Variants in C1orf105 observed in about 807,000 individuals in gnomAD.
C1orf105 encodes uncharacterized protein C1orf105.
C1orf105 carries 17 observed loss-of-function variants against 20.8 expected under a neutral mutation model. That is an observed-to-expected ratio of 0.82 (90% CI 0.56 to 1.23). The LOEUF is 1.23. Among genes scored for constraint, C1orf105 ranks in the 50% most tolerant of loss-of-function variants. The pLI is 0.00. For missense variants in C1orf105, 219 were observed against 213.5 expected, an observed-to-expected ratio of 1.03 and a Z score of -0.16; for synonymous variants, 72 against 72.1, an observed-to-expected ratio of 1.00 and a Z score of 0.01.
chr1:172,462,987 G>T (rs182934580), intron 5 of C1orf105, among the ~76,000 whole-genome samples: 13 of 152,088 alleles, frequency 8.5e-5, no homozygotes, highest in African/African-American at 2.9e-4. Context: ...ATGTTGGCCA[G>T]GCTGGTCTCA....
rs553827217 is a variant in C1orf105 at position 172,459,428 on chromosome 1, A to G, written c.274-2750A>G. Among the ~76,000 whole-genome samples, 3 of 152,282 alleles carry G rather than the reference A, an allele frequency of 2.0e-5. No homozygotes were observed. The East Asian group carries it at 5.8e-4, about 29-fold the overall frequency. The stretch of plus-strand genomic sequence containing the variant: ...AAGAAGATCTACAAATGACCAATAA[A>G]CACATGAAAAGATACTCAACATTAT... On this transcript the variant is annotated intron_variant, in intron 4 of 6. Transcript: ENST00000367727.
chr1:172,455,608 C>A (rs2285171), intron 3 of C1orf105, among the ~76,000 whole-genome samples: 39,709 of 152,132 alleles, frequency 0.26, 5,556 homozygotes, highest in East Asian at 0.35. Context: ...CAAATGAGAA[C>A]CTCCTGAACC....
intron 2 of C1orf105, among the ~76,000 whole-genome samples, chr1:172,448,205 G>T (rs1414402513): frequency 6.6e-6 from 1 of 152,188 alleles, no homozygotes; most frequent in Non-Finnish European, 1.5e-5. Context: ...TGCCTTGTTT[G>T]TACAGTGTCT....
chr1:172,452,849 CT>C, intron 3 of C1orf105: 1 of 1,423,522 alleles, frequency 7.0e-7, no homozygotes, highest in Non-Finnish European at 9.2e-7. Flanking sequence ...TCCAGTGCCT[CT>C]GGCTCTAGAC....
intron 3 of C1orf105, chr1:172,452,673 A>C: frequency 1.8e-6 from 1 of 542,116 alleles, no homozygotes; most frequent in Non-Finnish European, 2.4e-6. Context: ...GTCCTAGGGT[A>C]TGAGGATGTT....
chr1:172,425,561 G>A (rs2071701940), intron 1 of C1orf105, among the ~76,000 whole-genome samples: 1 of 151,976 alleles, frequency 6.6e-6, no homozygotes, highest in Non-Finnish European at 1.5e-5. Context: ...GTGGCCAAAG[G>A]AGTATGCCTT....
At chr1:172,438,988 A>G (rs961600053) in intron 1 of C1orf105, among the ~76,000 whole-genome samples, 1 of 152,238 alleles carries the variant, frequency 6.6e-6, no homozygotes, top group African/African-American at 2.4e-5. Flanking sequence ...TTTTTTAGAC[A>G]TGAGAGTGCA....
In C1orf105 at chr1:172,457,266, A is replaced by G. The variant is rs546561798; in HGVS notation, c.273+777A>G. 3.3e-5 allele frequency among the ~76,000 whole-genome samples: 5 copies of G among 152,338 alleles called. No individual in the cohort carries two copies. The South Asian group carries it at 1.0e-3, about 32-fold the overall frequency. On this transcript the variant is annotated intron_variant, in intron 4 of 6. Coordinates refer to ENST00000367727, the MANE Select transcript of C1orf105 (RefSeq NM_139240.4). ...TTAGCAACATGGTTAGGTTTGAGGT[A>G]CGAGCTGGAGAAGGGTTTCTTCAAC...
At chr1:172,445,303 C>T (rs758936737) in intron 2 of C1orf105, 145 bp downstream of exon 2, 17 of 708,308 alleles carry the variant, frequency 2.4e-5, no homozygotes, top group South Asian at 4.0e-5. Flanking sequence ...AGAAATAATC[C>T]GGGTTTCTCA....
chr1:172,443,837 A>G lies in C1orf105; in HGVS notation c.22-1236A>G, dbSNP rs566587410. ...GGACGGGGTAGGGTAGGGTGACCCC[A>G]GGGTGCGCCTTCACTCTTCTGGCAC... On this transcript the variant is annotated intron_variant, in intron 1 of 6. Transcript: ENST00000367727. 6.8e-4 allele frequency: 284 copies of G among 416,430 alleles called. 1 individual carries two copies. Among genetic ancestry groups the G allele is most frequent in the African/African-American group, 6.1e-3 (281 of 45,834 alleles). 25.8% of individuals were successfully genotyped at this position (416,430 alleles called of 1,614,324 possible).
In C1orf105 at chr1:172,432,952, C is replaced by T. The variant is rs146779672; in HGVS notation, c.21+12046C>T. Reference sequence around the variant, plus strand: ...CCTGATGGAGCTGAAAACCATGGTACGAGAACTATGTGATGCATACACAAG... The same window carrying T: ...CCTGATGGAGCTGAAAACCATGGTATGAGAACTATGTGATGCATACACAAG... On this transcript the variant is annotated intron_variant, in intron 1 of 6. Transcript: ENST00000367727. 3.7e-3 allele frequency among the ~76,000 whole-genome samples: 563 copies of T among 152,212 alleles called. 4 individuals are homozygous for T. Among genetic ancestry groups the T allele is most frequent in the African/African-American group, 0.012 (500 of 41,500 alleles).
chr1:172,434,203 A>G (rs977409861), intron 1 of C1orf105, among the ~76,000 whole-genome samples: 12 of 152,196 alleles, frequency 7.9e-5, no homozygotes, highest in Non-Finnish European at 1.6e-4. Context: ...AACGAGACAA[A>G]ATGTTAACAA....
chr1:172,431,132 G>T, intron 1 of C1orf105: 1 of 574,348 alleles, frequency 1.7e-6, no homozygotes, highest in Non-Finnish European at 3.1e-6. Flanking sequence ...CTGTTCAAAT[G>T]AAGAGTTGCA....
intron 5 of C1orf105, 90 bp from the exon 6 acceptor site, chr1:172,465,209 A>G (rs1649955238): frequency 3.7e-6 from 2 of 545,506 alleles, no homozygotes; most frequent in Non-Finnish European, 5.7e-6. Flanking sequence ...ATAATAATAA[A>G]TAAATAAAAA....
chr1:172,450,953 C>T (rs964768861), intron 3 of C1orf105: 2 of 152,220 alleles, frequency 1.3e-5, no homozygotes, highest in Non-Finnish European at 2.9e-5. Flanking sequence ...AACATTTCCT[C>T]GTTTAAACAT....
intron 1 of C1orf105, among the ~76,000 whole-genome samples, chr1:172,422,639 G>A (rs1321591424): frequency 6.6e-6 from 1 of 151,886 alleles, no homozygotes; most frequent in Non-Finnish European, 1.5e-5. Context: ...TTGAGCTTAG[G>A]TACCAGCTTA....
intron 6 of C1orf105, among the ~76,000 whole-genome samples, chr1:172,466,384 A>T (rs751832629): frequency 4.6e-4 from 70 of 152,112 alleles, no homozygotes; most frequent in Non-Finnish European, 8.8e-4. Context: ...AAGAGTACCT[A>T]CCCAACGAAA....
chr1:172,429,255 C>G (rs1193269843), intron 1 of C1orf105, among the ~76,000 whole-genome samples: 3 of 150,848 alleles, frequency 2.0e-5, no homozygotes, highest in African/African-American at 7.3e-5. Context: ...CACACACACA[C>G]AGACACACAC....
At chr1:172,467,247 A>G (rs972014562) in intron 6 of C1orf105, among the ~76,000 whole-genome samples, 1 of 152,200 alleles carries the variant, frequency 6.6e-6, no homozygotes, top group African/African-American at 2.4e-5. Flanking sequence ...GATTGCTACA[A>G]ATGCCAAGTG....
Sources: allele counts gnomAD v4.1 joint callset (sites outside exome capture counted in the v4.1 genomes callset), GRCh38; gene constraint gnomAD v4.1.1; transcripts MANE v1.5; gene names NCBI Gene and HGNC (gene_info 2026-07-23, HGNC 2026-07-21).